Variants in GUCY1A2 observed in about 807,000 individuals in gnomAD.
The protein encoded by GUCY1A2 is guanylate cyclase 1 soluble subunit alpha 2, also known as guanylate cyclase soluble subunit alpha-2.
A neutral mutation model predicts 63.5 loss-of-function variants in GUCY1A2; 27 were observed. The ratio of observed to expected loss-of-function variants is 0.43; its 90% CI spans 0.31 to 0.59. The LOEUF is 0.59. Ranked by LOEUF, GUCY1A2 falls within the 20% of genes least tolerant of loss-of-function variation. GUCY1A2 has a pLI of 0.11. For missense variants in GUCY1A2, 768 were observed against 913.3 expected (o/e 0.84, Z 2.05); for synonymous variants, 364 against 343.5 (o/e 1.06, Z -0.66).
At chr11:106,691,280 CA>C (rs1862619760) in intron 7 of GUCY1A2, among the ~76,000 whole-genome samples, 1 of 152,090 alleles carries the variant, frequency 6.6e-6, no homozygotes, top group African/African-American at 2.4e-5. Context: ...AATGATACAA[CA>C]TCTGATACAA....
At chr11:106,949,107 G>T (rs570281654) in intron 3 of GUCY1A2, among the ~76,000 whole-genome samples, 3 of 152,184 alleles carry the variant, frequency 2.0e-5, no homozygotes, top group Non-Finnish European at 4.4e-5. Context: ...TGTGTTGTGT[G>T]TAAGTTCATA....
chr11:106,787,978 T>C (rs973915806), intron 5 of GUCY1A2, among the ~76,000 whole-genome samples: 2 of 152,156 alleles, frequency 1.3e-5, no homozygotes, highest in Admixed American at 6.5e-5. Context: ...CCCATATTGG[T>C]TGTACTAATT....
At chr11:106,894,471 A>G (rs889750065) in intron 4 of GUCY1A2, among the ~76,000 whole-genome samples, 12 of 152,192 alleles carry the variant, frequency 7.9e-5, no homozygotes, top group Admixed American at 3.3e-4. Context: ...TCTAAAGGCT[A>G]CTTAATCCAA....
intron 3 of GUCY1A2, among the ~76,000 whole-genome samples, chr11:106,962,625 G>A (rs1861073665): frequency 6.6e-6 from 1 of 151,432 alleles, no homozygotes; most frequent in Non-Finnish European, 1.5e-5. Flanking sequence ...GTAGGTGGGG[G>A]GAGTTAAATC....
At chr11:106,885,444 G>GA (rs1212284854) in intron 4 of GUCY1A2, among the ~76,000 whole-genome samples, 1 of 152,066 alleles carries the variant, frequency 6.6e-6, no homozygotes, top group Non-Finnish European at 1.5e-5. Flanking sequence ...AGGTGGGTGG[G>GA]AAAAAATTCT....
intron 4 of GUCY1A2, chr11:106,824,904 C>G: frequency 6.2e-7 from 1 of 1,611,982 alleles, no homozygotes. Flanking sequence ...CATGCTTCAG[C>G]AATCTGGTTC....
intron 4 of GUCY1A2, among the ~76,000 whole-genome samples, chr11:106,875,409 A>C (rs1859736023): frequency 6.6e-6 from 1 of 152,162 alleles, no homozygotes; most frequent in East Asian, 1.9e-4. Context: ...CAGCTTAAAT[A>C]ATGAAGAAAA....
In GUCY1A2 at chr11:106,685,434, T is replaced by C. The variant is rs1006227448; in HGVS notation, c.*2115A>G. On this transcript the variant is annotated 3_prime_UTR_variant, in exon 8 of 8. Transcript: ENST00000526355. ...TAGAGTAGTTGCTTAGACAAATCTT[T>C]ATAAAAAGTGAGAGAAATAGATTGG... The C allele has an allele frequency of 3.6e-5, 8 of 220,332 alleles. No homozygotes were observed. Among genetic ancestry groups the C allele is most frequent in the Non-Finnish European group, 7.3e-5 (8 of 110,120 alleles). The allele number at this position is 220,332 out of a possible 1,614,324, so 13.6% of individuals were successfully genotyped here. A position where few individuals can be genotyped will look rare whatever the true frequency, so the allele number is the denominator to read the frequency against.
chr11:106,816,512 A>T (rs1051483392), intron 4 of GUCY1A2, among the ~76,000 whole-genome samples: 3 of 151,738 alleles, frequency 2.0e-5, no homozygotes, highest in Non-Finnish European at 4.4e-5. Flanking sequence ...AGAACAAATC[A>T]CGAATCAATA....
chr11:106,979,494 G>A (rs1274861353), intron 2 of GUCY1A2, among the ~76,000 whole-genome samples: 1 of 151,562 alleles, frequency 6.6e-6, no homozygotes, highest in Non-Finnish European at 1.5e-5. Flanking sequence ...TAGCAGTATG[G>A]TGTATAAATA....
chr11:106,792,126 G>A (rs1006105332), intron 5 of GUCY1A2, among the ~76,000 whole-genome samples: 5 of 152,140 alleles, frequency 3.3e-5, no homozygotes, highest in African/African-American at 4.8e-5. Flanking sequence ...GGTGGCTCAC[G>A]TCTGTAATCC....
At chr11:107,012,431 T>C (rs1861760381) in intron 1 of GUCY1A2, among the ~76,000 whole-genome samples, 1 of 152,194 alleles carries the variant, frequency 6.6e-6, no homozygotes, top group Non-Finnish European at 1.5e-5. Context: ...CTATCATCTA[T>C]TGAGTTTAGG....
chr11:106,705,559 T>C (rs1364006851), intron 7 of GUCY1A2, among the ~76,000 whole-genome samples: 2 of 152,084 alleles, frequency 1.3e-5, no homozygotes, highest in Non-Finnish European at 2.9e-5. Context: ...AGAAAGTTAA[T>C]ATATAGAACA....
intron 4 of GUCY1A2, among the ~76,000 whole-genome samples, chr11:106,901,794 T>C (rs576771354): frequency 7.2e-5 from 11 of 152,290 alleles, no homozygotes; most frequent in South Asian, 4.1e-4. Context: ...GCTTCATCCA[T>C]GTCCCTACAA....
chr11:106,936,791 C>A (rs2119964915), intron 4 of GUCY1A2: 4 of 710,828 alleles, frequency 5.6e-6, no homozygotes, highest in South Asian at 1.8e-5. Flanking sequence ...ATTATGAGAG[C>A]CCTCAATGTT....
At chr11:106,707,668 T>C (rs1403572314) in intron 7 of GUCY1A2, among the ~76,000 whole-genome samples, 1 of 152,068 alleles carries the variant, frequency 6.6e-6, no homozygotes, top group Non-Finnish European at 1.5e-5. Flanking sequence ...AGTTTGGGGA[T>C]ATAATGATGA....
At chr11:106,901,741 A>T (rs1860136804) in intron 4 of GUCY1A2, among the ~76,000 whole-genome samples, 1 of 148,402 alleles carries the variant, frequency 6.7e-6, no homozygotes, top group African/African-American at 2.5e-5. Flanking sequence ...GCAGTGTTTG[A>T]TTTTTTGTTC....
At chr11:106,697,818 A>G (rs1278606105) in intron 7 of GUCY1A2, among the ~76,000 whole-genome samples, 1 of 152,158 alleles carries the variant, frequency 6.6e-6, no homozygotes, top group African/African-American at 2.4e-5. Flanking sequence ...GTTTTTGCCC[A>G]GTCAGCCCTG....
chr11:106,690,937 G>A (rs755022408), intron 7 of GUCY1A2, among the ~76,000 whole-genome samples: 1 of 152,268 alleles, frequency 6.6e-6, no homozygotes, highest in South Asian at 2.1e-4. Context: ...AAGAATGGAA[G>A]TCATCAGTAC....
Sources: gnomAD v4.1 joint callset for allele counts (sites outside exome capture counted in the v4.1 genomes callset) on GRCh38, gnomAD v4.1.1 for gene constraint, MANE v1.5 for transcripts, NCBI Gene and HGNC (gene_info 2026-07-23, HGNC 2026-07-21) for gene names.